The following FLG2 variants were observed in gnomAD, a reference collection of about 807,000 sequenced individuals.
FLG2 encodes the protein filaggrin-2.
Under a neutral mutation model 3.9 loss-of-function variants are expected in FLG2, and 7 were observed. The observed-to-expected ratio is 1.79, with a 90% CI of 1.02 to 3.36. The LOEUF is 3.36. Ranked by LOEUF, FLG2 falls within the 30% of genes most tolerant of loss-of-function variation. The probability of loss-of-function intolerance (pLI) is 0.00; values close to 1 mark genes in which losing one functional copy is unlikely to be tolerated. For synonymous variants in FLG2, 1,031 were observed against 1,056.1 expected (o/e 0.98, Z 0.46); for missense variants, 2,700 against 2,809.4 (o/e 0.96, Z 0.88).
Position 152,354,361 on chromosome 1 carries a change from G to T in FLG2, c.3425C>A (p.Ala1142Glu). The stretch of plus-strand genomic sequence containing the variant: ...CTGACCTGATCTGTACTCATGCTGT[G>T]CAAAGCCAGAGGATTTACCTGTGCC... ...GSGTGKSSGF[A>E]QHEYRSGQSS... Residue 1142 changes from alanine (A) to glutamate (E), a missense_variant, in exon 3 of 3, where the codon GCA becomes GAA. Ala to Glu is a moderately radical substitution (Grantham distance 107). Transcript: ENST00000388718. 6.2e-7 allele frequency: 1 copy of T among 1,613,414 alleles called. No individual in the cohort carries two copies. Among genetic ancestry groups the T allele is most frequent in the Non-Finnish European group, 8.5e-7 (1 of 1,179,872 alleles).
At position 152,352,501 on chromosome 1, in the gene FLG2, A is replaced by T. The variant is rs200200253; in HGVS notation, c.5285T>A (p.Ile1762Lys). The change falls in exon 3 of 3, where the codon ATA becomes AAA. Residue 1762 changes from isoleucine to lysine, a missense_variant. Physicochemically the swap from Ile to Lys is moderately radical, Grantham distance 102. Transcript: ENST00000388718. ...TATAGTTCCATGTCTCTCATGAACT[A>T]TGGATTCTGACTCTCCATGTTGAGA... ...ARSQHGESES[I>K]VHERHGTIHG... is the part of the protein sequence containing the mutation. 6.2e-7 allele frequency: 1 copy of T among 1,608,668 alleles called. No individual in the cohort carries two copies. Among genetic ancestry groups the T allele is most frequent in the South Asian group, 1.1e-5 (1 of 90,830 alleles).
Position 152,357,287 on chromosome 1 carries a change from T to A in FLG2, c.499A>T (p.Asn167Tyr), listed in dbSNP as rs1157898506. ...SNSRRLGRQG[N>Y]LSSSGNQEGS... ...TCTTGGTTCCCAGAGCTGGATAAAT[T>A]ACCTTGTCTTCCTAGCCTCCTGGAG... is the stretch of plus-strand genomic sequence containing the variant. The change falls in exon 3 of 3, where the codon AAT becomes TAT. Residue 167 changes from asparagine (N) to tyrosine (Y), a missense_variant. Asn to Tyr is a moderately radical substitution (Grantham distance 143). Coordinates refer to ENST00000388718, the MANE Select transcript of FLG2 (RefSeq NM_001014342.3). 1 of 1,614,206 alleles carries A rather than the reference T, an allele frequency of 6.2e-7. No individual in the cohort carries two copies.
Position 152,354,300 on chromosome 1 carries a change from T to C in FLG2, c.3486A>G (p.Gln1162=), listed in dbSNP as rs139642303. The C allele has an allele frequency of 8.1e-6, 13 of 1,614,084 alleles. No homozygotes were observed. Among genetic ancestry groups the C allele is most frequent in the Non-Finnish European group, 1.0e-5 (12 of 1,180,032 alleles). ...ACTCATGTTGGCCACAGCCAGATGA[T>C]TGACTGGAGCCAGTACCATGTTGGC... ...SYGQHGTGSS[Q]SSGCGQHESG... Residue 1162 remains glutamine, a synonymous_variant, in exon 3 of 3, where the codon CAA becomes CAG. Coordinates refer to ENST00000388718, the MANE Select transcript of FLG2 (RefSeq NM_001014342.3).
In FLG2 at chr1:152,352,294, G is replaced by C. The variant is rs1653974122; in HGVS notation, c.5492C>G (p.Ser1831Cys). 1 of 1,613,376 alleles carries C rather than the reference G, an allele frequency of 6.2e-7. No homozygotes were observed. Among genetic ancestry groups the C allele is most frequent in the Non-Finnish European group, 8.5e-7 (1 of 1,179,838 alleles). The change falls in exon 3 of 3, where the codon TCT becomes TGT. Residue 1831 changes from serine to cysteine, a missense_variant. By Grantham distance (112) the Ser-to-Cys change is moderately radical (BLOSUM62 -1). Transcript: ENST00000388718. ...TATGGATTCTGACTCTCCATGTTGA[G>C]ATCCAGCCTGGCCGTGAGTGTGTCC... ...SRGHTHGQAG[S>C]QHGESESIVD... is the part of the protein sequence containing the mutation.
rs574243070 is a variant in FLG2, at chr1:152,349,854, C to A, written c.*756G>T. The A allele has an allele frequency of 6.5e-6, 1 of 153,054 alleles. No homozygotes were observed. Among genetic ancestry groups the A allele is most frequent in the East Asian group, 1.9e-4 (1 of 5,182 alleles). 9.5% of individuals were successfully genotyped at this position (153,054 alleles called of 1,614,324 possible). On this transcript the variant is annotated 3_prime_UTR_variant, in exon 3 of 3. Transcript: ENST00000388718. Reference sequence around the variant, plus strand: ...CCTCCTGACAGACTTGACTCTGACTCTTGCCTTTGTCTCCCCCACTGCATA... The same window carrying A: ...CCTCCTGACAGACTTGACTCTGACTATTGCCTTTGTCTCCCCCACTGCATA...
chr1:152,356,426 C>T lies in FLG2; in HGVS notation c.1360G>A (p.Gly454Ser), dbSNP rs1381718264. ...TGACTTGATGTAGACTCATGCTGGC[C>T]ACAAGTTTGACCTGAGCCACATACA... The part of the protein sequence containing the change: ...QHVCGSGQTC[G>S]QHESTSSQSL... Residue 454 changes from glycine to serine, a missense_variant, in exon 3 of 3, where the codon GGC becomes AGC. Gly to Ser is a moderately conservative substitution (Grantham distance 56, BLOSUM62 0). Transcript: ENST00000388718. 2.5e-6 allele frequency: 4 copies of T among 1,614,096 alleles called. No homozygotes were observed. Among genetic ancestry groups the T allele is most frequent in the Admixed American group, 3.3e-5 (2 of 60,006 alleles).
chr1:152,352,015 C>T lies in FLG2; in HGVS notation c.5771G>A (p.Gly1924Glu). 6.2e-7 allele frequency: 1 copy of T among 1,613,804 alleles called. No individual in the cohort carries two copies. The highest frequency in any genetic ancestry group is 1.1e-5 in the South Asian group (1 of 91,056). Residue 1924 changes from glycine to glutamate, a missense_variant, in exon 3 of 3, where the codon GGA becomes GAA. Gly to Glu is a moderately conservative substitution (Grantham distance 98). Transcript: ENST00000388718. ...ATGTTCAGTGGTATCTCCTGTCTGT[C>T]CATGAGTAGTTTGGTGTCTCTTGTG... ...TVHKRHQTTH[G>E]QTGDTTEHGH...
In FLG2 at chr1:152,349,143, A is replaced by G. The variant is rs1431619241; in HGVS notation, c.*1467T>C. On this transcript the variant is annotated 3_prime_UTR_variant, in exon 3 of 3. Coordinates refer to ENST00000388718, the MANE Select transcript of FLG2 (RefSeq NM_001014342.3). ...TGTTTATCTTTTTCTTCCATTCACT[A>G]TTTTCTTTCTTTCTTTTTTTCAAGG... 1 of 151,526 alleles carries G rather than the reference A, an allele frequency of 6.6e-6. No homozygotes were observed. Among genetic ancestry groups the G allele is most frequent in the Admixed American group, 6.6e-5 (1 of 15,194 alleles). The allele number at this position is 151,526 out of a possible 1,614,324, so 9.4% of individuals were successfully genotyped here. A position where few individuals can be genotyped will look rare whatever the true frequency, so the allele number is the denominator to read the frequency against.
Position 152,356,775 on chromosome 1 carries a change from T to A in FLG2, c.1011A>T (p.Gly337=), listed in dbSNP as rs1654251934. Residue 337 remains glycine, a synonymous_variant, in exon 3 of 3, where the codon GGA becomes GGT. Transcript: ENST00000388718. ...AGGGGTTAGACTCAGGTTGACCACA[T>A]CCAGAGGGCTGACCTCCTGAGACAC... ...HGCVSGGQPS[G]CGQPESNPCS... is the part of the protein sequence containing the mutation. 1.9e-6 allele frequency: 3 copies of A among 1,614,022 alleles called. No individual in the cohort carries two copies. Among genetic ancestry groups the A allele is most frequent in the South Asian group, 2.2e-5 (2 of 91,082 alleles).
At position 152,356,174 on chromosome 1, in the gene FLG2, A is replaced by T. The variant is rs138825753; in HGVS notation, c.1612T>A (p.Ser538Thr). The change falls in exon 3 of 3, where the codon TCA (serine) becomes ACA (threonine). Residue 538 changes from serine to threonine, a missense_variant. Coordinates refer to ENST00000388718, the MANE Select transcript of FLG2 (RefSeq NM_001014342.3). ...SSGFGQHESR[S>T]RQSSYGQHGS... Reference sequence around the variant, plus strand: ...TGTTGGCCATAGCTAGACTGACGTGATCTAGACTCATGTTGTCCAAAACCA... The same window carrying T: ...TGTTGGCCATAGCTAGACTGACGTGTTCTAGACTCATGTTGTCCAAAACCA... 37 of 1,613,706 alleles carry T rather than the reference A, an allele frequency of 2.3e-5. No individual in the cohort carries two copies. The highest frequency in any genetic ancestry group is 1.6e-4 in the Middle Eastern group (1 of 6,080).
At position 152,354,280 on chromosome 1, in the gene FLG2, T is replaced by C; in HGVS notation, c.3506A>G (p.His1169Arg). Residue 1169 changes from histidine (H) to arginine (R), a missense_variant, in exon 3 of 3, where the codon CAT (histidine) becomes CGT (arginine). Coordinates refer to ENST00000388718, the MANE Select transcript of FLG2 (RefSeq NM_001014342.3). ...GSSQSSGCGQ[H>R]ESGSGPTTSF... The stretch of plus-strand genomic sequence containing the variant: ...TGTGGTTGGACCTGAGCCAGACTCA[T>C]GTTGGCCACAGCCAGATGATTGACT... The C allele has an allele frequency of 1.2e-6, 2 of 1,614,178 alleles. No homozygotes were observed. The highest frequency in any genetic ancestry group is 1.7e-6 in the Non-Finnish European group (2 of 1,180,004).
intron 1 of FLG2, among the ~76,000 whole-genome samples, chr1:152,359,359 C>T (rs1165218620): frequency 1.3e-5 from 2 of 152,140 alleles, no homozygotes; most frequent in Non-Finnish European, 2.9e-5. Context: ...ATCCTCTGGG[C>T]ACCAGAAGCT....
chr1:152,351,130 T>C lies in FLG2; in HGVS notation c.6656A>G (p.Gln2219Arg). The C allele has an allele frequency of 6.2e-7, 1 of 1,613,610 alleles. No individual in the cohort carries two copies. Among genetic ancestry groups the C allele is most frequent in the South Asian group, 1.1e-5 (1 of 91,040 alleles). The change falls in exon 3 of 3, where the codon CAG (glutamine) becomes CGG (arginine). Residue 2219 changes from glutamine to arginine, a missense_variant. Physicochemically the swap from Gln to Arg is conservative, Grantham distance 43. Coordinates refer to ENST00000388718, the MANE Select transcript of FLG2 (RefSeq NM_001014342.3). The part of the protein sequence containing the change: ...GQSGSSGHGR[Q>R]GTTHGQTGDT... ...TCCTGTCTGTCCATGAGTAGTTCCC[T>C]GTCTCCCATGACCTGAGGATCCTGA...
chr1:152,353,575 G>C lies in FLG2; in HGVS notation c.4211C>G (p.Ser1404Cys). 1 of 1,613,562 alleles carries C rather than the reference G, an allele frequency of 6.2e-7. No individual in the cohort carries two copies. The highest frequency in any genetic ancestry group is 8.5e-7 in the Non-Finnish European group (1 of 1,179,914). ...QTGEATGHGH[S>C]GHGQSTQRGS... is the part of the protein sequence containing the mutation. The stretch of plus-strand genomic sequence containing the variant: ...TCTCTGTGTGGACTGTCCATGACCA[G>C]AGTGGCCATGTCCAGTGGCCTCTCC... Residue 1404 changes from serine (S) to cysteine (C), a missense_variant, in exon 3 of 3, where the codon TCT becomes TGT. Transcript: ENST00000388718.
In FLG2 at chr1:152,351,847, C is replaced by A. The variant is rs1417143044; in HGVS notation, c.5939G>T (p.Gly1980Val). ...THSGHTHGQA[G>V]SHYPESGSSV... The stretch of plus-strand genomic sequence containing the variant: ...GGATCCTGACTCTGGATAGTGAGAT[C>A]CAGCTTGACCGTGAGTGTGTCCTGA... Residue 1980 changes from glycine to valine, a missense_variant, in exon 3 of 3, where the codon GGA (glycine) becomes GTA (valine). Gly to Val is a moderately radical substitution (Grantham distance 109). Coordinates refer to ENST00000388718, the MANE Select transcript of FLG2 (RefSeq NM_001014342.3). 22 of 1,612,624 alleles carry A rather than the reference C, an allele frequency of 1.4e-5. No individual in the cohort carries two copies. Among genetic ancestry groups the A allele is most frequent in the Non-Finnish European group, 1.9e-5 (22 of 1,179,842 alleles).
Position 152,354,201 on chromosome 1 carries a change from ATGT to A in FLG2, c.3582_3584del (p.Gln1194del). The A allele has an allele frequency of 6.2e-7, 1 of 1,614,116 alleles. No homozygotes were observed. The highest frequency in any genetic ancestry group is 8.5e-7 in the Non-Finnish European group (1 of 1,180,002). On this transcript the variant is annotated inframe_deletion, in exon 3 of 3. Transcript: ENST00000388718. ...CAGTGGACTGACCTGAGTCAGATAT[ATGT>A]TGTCCAGAACTAGAGAAATTGTCTG... is the stretch of plus-strand genomic sequence containing the variant.
In FLG2 at chr1:152,355,073, C is replaced by T. The variant is rs771324079; in HGVS notation, c.2713G>A (p.Gly905Arg). Residue 905 changes from glycine (G) to arginine (R), a missense_variant, in exon 3 of 3, where the codon GGA becomes AGA. Coordinates refer to ENST00000388718, the MANE Select transcript of FLG2 (RefSeq NM_001014342.3). Reference protein sequence around the residue: ...SGFGQHGTGSGQYSGFGQHES... With the variant: ...SGFGQHGTGSRQYSGFGQHES... The stretch of plus-strand genomic sequence containing the variant: ...TGTTGTCCAAAACCAGAGTATTGTC[C>T]TGAGCCAGTCCCATGTTGTCCAAAG... 1.9e-6 allele frequency: 3 copies of T among 1,551,148 alleles called. No homozygotes were observed. In the African/African-American group the frequency reaches 4.1e-5, roughly 21 times the overall value.
rs747507220 is a variant in FLG2 at position 152,353,560 on chromosome 1, G to A, written c.4226C>T (p.Ser1409Phe). ...AGTTGTCCTGGACCCTCTCTGTGTG[G>A]ACTGTCCATGACCAGAGTGGCCATG... ...TGHGHSGHGQSTQRGSRTTGR... is the reference protein window; with the variant it reads ...TGHGHSGHGQFTQRGSRTTGR... The change falls in exon 3 of 3, where the codon TCC becomes TTC. Residue 1409 changes from serine to phenylalanine, a missense_variant. Coordinates refer to ENST00000388718, the MANE Select transcript of FLG2 (RefSeq NM_001014342.3). 6.2e-7 allele frequency: 1 copy of A among 1,613,964 alleles called. No individual in the cohort carries two copies. The highest frequency in any genetic ancestry group is 8.5e-7 in the Non-Finnish European group (1 of 1,180,000).
chr1:152,356,238 A>G lies in FLG2; in HGVS notation c.1548T>C (p.Ser516=), dbSNP rs771918711. The G allele has an allele frequency of 3.1e-6, 5 of 1,614,020 alleles. No individual in the cohort carries two copies. Among genetic ancestry groups the G allele is most frequent in the Non-Finnish European group, 4.2e-6 (5 of 1,179,986 alleles). Residue 516 remains serine, a synonymous_variant, in exon 3 of 3, where the codon TCT becomes TCC. Coordinates refer to ENST00000388718, the MANE Select transcript of FLG2 (RefSeq NM_001014342.3). ...AGACAGACCCATGCTGTCCAAAACC[A>G]GAGGATTGTCCTGAGACAGACCCAT... ...GQHGSVSGQS[S]GFGQHGSVSG... is the part of the protein sequence containing the mutation.
Sources: allele counts gnomAD v4.1 joint callset (sites outside exome capture counted in the v4.1 genomes callset), GRCh38; gene constraint gnomAD v4.1.1; transcripts MANE v1.5; gene names NCBI Gene and HGNC (gene_info 2026-07-23, HGNC 2026-07-21).